Variants in GALNT16 observed in about 807,000 individuals in gnomAD.
GALNT16 encodes UDP-GalNAc:polypeptide N-acetylgalactosaminyltransferase-like protein 1.
Under a neutral mutation model 76.1 loss-of-function variants are expected in GALNT16, and 40 were observed. The ratio of observed to expected loss-of-function variants is 0.53; its 90% CI spans 0.41 to 0.68. The LOEUF is 0.68. Among genes scored for constraint, GALNT16 ranks in the 30% least tolerant of loss-of-function variants. The probability of loss-of-function intolerance (pLI) is 0.00; values close to 1 mark genes in which losing one functional copy is unlikely to be tolerated. For missense variants in GALNT16, 621 were observed against 731.9 expected (o/e 0.85, Z 1.75); for synonymous variants, 276 against 285.2 (o/e 0.97, Z 0.32).
the GALNT16 span, among the ~76,000 whole-genome samples, chr14:69,371,815 G>A: frequency 2.6e-4 from 40 of 151,830 alleles, no homozygotes; most frequent in South Asian, 8.3e-3. Context: ...GTGGTGGCGT[G>A]AGCTTGTAAT....
chr14:69,303,869 A>G (rs1414960694), intron 1 of GALNT16, among the ~76,000 whole-genome samples: 1 of 152,224 alleles, frequency 6.6e-6, no homozygotes. Context: ...TTATTCAGCA[A>G]GATAAATGAG....
chr14:69,371,153 G>T, the GALNT16 span, among the ~76,000 whole-genome samples: 2 of 152,190 alleles, frequency 1.3e-5, no homozygotes, highest in African/African-American at 4.8e-5. Context: ...GCTGGTGACT[G>T]GACTGCCCTG....
At chr14:69,297,580 C>G (rs966947521) in intron 1 of GALNT16, among the ~76,000 whole-genome samples, 11 of 150,490 alleles carry the variant, frequency 7.3e-5, no homozygotes, top group African/African-American at 2.7e-4. Flanking sequence ...CATCCTCAAT[C>G]TTTAAGAGTA....
chr14:69,322,977 T>TGC (rs2045219674), intron 2 of GALNT16, among the ~76,000 whole-genome samples: 2 of 34,252 alleles, frequency 5.8e-5, no homozygotes, highest in South Asian at 2.6e-3. Flanking sequence ...TGTGTGTGTG[T>TGC]GTGTGCGCGC....
chr14:69,289,591 A>G (rs941412470), intron 1 of GALNT16, among the ~76,000 whole-genome samples: 1 of 152,056 alleles, frequency 6.6e-6, no homozygotes, highest in Non-Finnish European at 1.5e-5. Flanking sequence ...CCTGGCTTCC[A>G]TGGTGGTGAT....
At chr14:69,287,796 C>T (rs1204283387) in intron 1 of GALNT16, among the ~76,000 whole-genome samples, 3 of 152,142 alleles carry the variant, frequency 2.0e-5, no homozygotes, top group Admixed American at 6.5e-5. Flanking sequence ...GGTGAAAACA[C>T]AGCTTGGAAA....
At chr14:69,325,871 G>A (rs1287913109) in intron 4 of GALNT16, 91 bp from the exon 5 acceptor site, 2 of 983,058 alleles carry the variant, frequency 2.0e-6, no homozygotes, top group African/African-American at 1.6e-5. Context: ...CCTTTCCTGG[G>A]CTTAGTATGG....
chr14:69,385,185 C>T, the GALNT16 span, among the ~76,000 whole-genome samples: 1 of 152,270 alleles, frequency 6.6e-6, no homozygotes, highest in South Asian at 2.1e-4. Flanking sequence ...TCTACCTACT[C>T]CTCACCTGTA....
chr14:69,299,262 T>A (rs1312213981), intron 1 of GALNT16, among the ~76,000 whole-genome samples: 1 of 152,218 alleles, frequency 6.6e-6, no homozygotes, highest in African/African-American at 2.4e-5. Flanking sequence ...GAGGTTTTTG[T>A]CCCTACTGTT....
Position 69,292,505 on chromosome 14 carries a change from G to A in GALNT16, c.178-28206G>A, listed in dbSNP as rs547779812. ...GGAGCACAGCTGACTGCTCCTGAGC[G>A]CATCTCCGTCCTAATGACACCAAGA... is the stretch of plus-strand genomic sequence containing the variant. On this transcript the variant is annotated intron_variant, in intron 1 of 14. Transcript: ENST00000448469. Among the ~76,000 whole-genome samples the A allele has an allele frequency of 2.4e-4, 36 of 152,330 alleles. No homozygotes were observed. The South Asian group carries it at 7.5e-3, about 32-fold the overall frequency.
At chr14:69,317,617 A>G (rs1398502550) in intron 1 of GALNT16, among the ~76,000 whole-genome samples, 2 of 152,182 alleles carry the variant, frequency 1.3e-5, no homozygotes, top group African/African-American at 4.8e-5. Context: ...CTGCCTATGA[A>G]TACACAGGGC....
chr14:69,285,741 G>T (rs1339707936), intron 1 of GALNT16, among the ~76,000 whole-genome samples: 4 of 152,136 alleles, frequency 2.6e-5, no homozygotes, highest in Non-Finnish European at 1.5e-5. Context: ...GCAGTTGAAA[G>T]GGGAGGAAGC....
chr14:69,345,116 G>C (rs1337175217), intron 12 of GALNT16, among the ~76,000 whole-genome samples: 1 of 152,218 alleles, frequency 6.6e-6, no homozygotes, highest in Non-Finnish European at 1.5e-5. Flanking sequence ...ATTGTGGCCT[G>C]ATCTTCCAAT....
At chr14:69,316,119 G>A (rs2045096441) in intron 1 of GALNT16, among the ~76,000 whole-genome samples, 1 of 152,176 alleles carries the variant, frequency 6.6e-6, no homozygotes, top group African/African-American at 2.4e-5. Context: ...TTGGGGTGTT[G>A]GTGGGACAGG....
the GALNT16 span, among the ~76,000 whole-genome samples, chr14:69,379,593 T>C: frequency 2.6e-5 from 4 of 152,194 alleles, no homozygotes; most frequent in African/African-American, 9.7e-5. Context: ...CTCATGTACT[T>C]GCTGATTGAA....
intron 1 of GALNT16, among the ~76,000 whole-genome samples, chr14:69,278,884 G>A (rs1404892349): frequency 1.3e-5 from 2 of 151,850 alleles, no homozygotes; most frequent in African/African-American, 4.8e-5. Context: ...CTGGAATTAG[G>A]GTGAGGCAAA....
chr14:69,272,597 A>G (rs764858357), intron 1 of GALNT16, among the ~76,000 whole-genome samples: 4 of 152,282 alleles, frequency 2.6e-5, no homozygotes, highest in East Asian at 1.9e-4. Context: ...GACTACATGT[A>G]CAGTGTTTAT....
intron 1 of GALNT16, among the ~76,000 whole-genome samples, chr14:69,273,912 A>G (rs1029794898): frequency 6.6e-6 from 1 of 152,214 alleles, no homozygotes; most frequent in African/African-American, 2.4e-5. Context: ...TTCTTTGCTT[A>G]AAAACAGGAG....
the GALNT16 span, chr14:69,380,278 T>A: frequency 1.5e-3 from 522 of 344,340 alleles, 1 homozygote; most frequent in Non-Finnish European, 2.4e-3. Flanking sequence ...GGAACCAACA[T>A]TAAGTGACGA....
Sources: allele counts gnomAD v4.1 joint callset (sites outside exome capture counted in the v4.1 genomes callset), GRCh38; gene constraint gnomAD v4.1.1; transcripts MANE v1.5; gene names NCBI Gene and HGNC (gene_info 2026-07-23, HGNC 2026-07-21).